The following HIVEP2 variants were observed in gnomAD, a reference collection of about 807,000 sequenced individuals.
The protein encoded by HIVEP2 is transcription factor HIVEP2.
Under a neutral mutation model 180.7 loss-of-function variants are expected in HIVEP2, and 14 were observed. The observed-to-expected ratio is 0.08, with a 90% CI of 0.05 to 0.12. The LOEUF is 0.12. Ranked by LOEUF, HIVEP2 falls within the 10% of genes least tolerant of loss-of-function variation. HIVEP2 has a pLI of 1.00. For missense variants in HIVEP2, 2,579 were observed against 3,008.5 expected (o/e 0.86, Z 3.34); for synonymous variants, 1,184 against 1,136.4 (o/e 1.04, Z -0.84).
chr6:142,921,956 T>C (rs1040829001), intron 1 of HIVEP2, among the ~76,000 whole-genome samples: 1 of 152,250 alleles, frequency 6.6e-6, no homozygotes, highest in African/African-American at 2.4e-5. Flanking sequence ...TATCTTACTT[T>C]AACTCTCCAT....
intron 9 of HIVEP2, among the ~76,000 whole-genome samples, chr6:142,755,031 G>T (rs1775028855): frequency 6.6e-6 from 1 of 152,058 alleles, no homozygotes; most frequent in African/African-American, 2.4e-5. Flanking sequence ...AACCCATACA[G>T]TATGGTAGTA....
chr6:142,854,773 C>T (rs1001381030), intron 1 of HIVEP2, among the ~76,000 whole-genome samples: 2 of 152,090 alleles, frequency 1.3e-5, no homozygotes, highest in African/African-American at 4.8e-5. Context: ...TGTATTCCTC[C>T]CCAAGCATCA....
At chr6:142,930,907 C>G (rs1777928828) in intron 1 of HIVEP2, among the ~76,000 whole-genome samples, 1 of 152,144 alleles carries the variant, frequency 6.6e-6, no homozygotes, top group African/African-American at 2.4e-5. Context: ...TCTCCAGAAC[C>G]AAAAGTGTGA....
chr6:142,880,935 C>G (rs74335562), intron 1 of HIVEP2, among the ~76,000 whole-genome samples: 1 of 152,124 alleles, frequency 6.6e-6, no homozygotes, highest in African/African-American at 2.4e-5. Flanking sequence ...GGGGTTCAGA[C>G]GTAAGGCATC....
At chr6:142,859,554 C>G (rs532126484) in intron 1 of HIVEP2, among the ~76,000 whole-genome samples, 4 of 151,686 alleles carry the variant, frequency 2.6e-5, no homozygotes, top group South Asian at 4.2e-4. Flanking sequence ...ATAAATGAGG[C>G]AGGACGCGGT....
In HIVEP2 at chr6:142,774,132, C is replaced by T; in HGVS notation, c.607G>A (p.Val203Ile). ...TGGGACCTGATGTGTTTTTTCAGTA[C>T]ACTAGGTTTGGCACACGCTCTGCTG... Reference protein sequence around the residue: ...YCSRACAKPSVLKKHIRSHTG... With the variant: ...YCSRACAKPSILKKHIRSHTG... Residue 203 changes from valine (V) to isoleucine (I), a missense_variant, in exon 5 of 10, where the codon GTA becomes ATA. Transcript: ENST00000367603. The surrounding 1 kb of genome is among the most constrained non-coding windows in gnomAD (Gnocchi z 5.1). 3 of 1,614,148 alleles carry T rather than the reference C, an allele frequency of 1.9e-6. No individual in the cohort carries two copies. The highest frequency in any genetic ancestry group is 1.3e-5 in the African/African-American group (1 of 75,054).
chr6:142,827,805 C>G (rs1159472373), intron 2 of HIVEP2, among the ~76,000 whole-genome samples: 1 of 152,208 alleles, frequency 6.6e-6, no homozygotes, highest in East Asian at 1.9e-4. Context: ...TGTGCAAAGA[C>G]TTCACAGGAC....
At position 142,771,043 on chromosome 6, in the gene HIVEP2, A is replaced by T; in HGVS notation, c.3696T>A (p.His1232Gln). The T allele has an allele frequency of 6.2e-7, 1 of 1,614,148 alleles. No individual in the cohort carries two copies. Among genetic ancestry groups the T allele is most frequent in the Non-Finnish European group, 8.5e-7 (1 of 1,180,030 alleles). ...TCTTCTGAGGGTGCTGAGCAAAGGG[A>T]TGTGGGAAATGTGCCTGCCACCAGG... ...QPPWWQAHFP[H>Q]PFAQHPQKSY... Residue 1232 changes from histidine to glutamine, a missense_variant, in exon 5 of 10, where the codon CAT becomes CAA. By Grantham distance (24) the His-to-Gln change is conservative (BLOSUM62 0). This residue lies in a region of HIVEP2 where 523 missense variants were observed against 577.0 expected (regional missense o/e 0.91). Coordinates refer to ENST00000367603, the MANE Select transcript of HIVEP2 (RefSeq NM_006734.4). The surrounding 1 kb of genome is among the most constrained non-coding windows in gnomAD (Gnocchi z 5.4).
chr6:142,810,766 AAAAAAAAAAAAAAC>A (rs1776675222), intron 2 of HIVEP2, among the ~76,000 whole-genome samples: 1 of 151,032 alleles, frequency 6.6e-6, no homozygotes, highest in Non-Finnish European at 1.5e-5. Flanking sequence ...TGTCTCAAAA[AAAAAAAAAAAAAAC>A]AAAAAAAGAA....
chr6:142,900,436 G>A (rs1643299199), intron 1 of HIVEP2, among the ~76,000 whole-genome samples: 1 of 152,172 alleles, frequency 6.6e-6, no homozygotes, highest in African/African-American at 2.4e-5. Context: ...GTACAAGGCA[G>A]GACATCAGAT....
At chr6:142,766,004 A>G (rs1289863815) in intron 6 of HIVEP2, among the ~76,000 whole-genome samples, 2 of 152,182 alleles carry the variant, frequency 1.3e-5, no homozygotes, top group African/African-American at 2.4e-5. Flanking sequence ...TGACATGCAA[A>G]ATGCCCTAAT....
intron 2 of HIVEP2, among the ~76,000 whole-genome samples, chr6:142,786,083 T>C (rs1775991543): frequency 6.6e-6 from 1 of 152,202 alleles, no homozygotes; most frequent in Non-Finnish European, 1.5e-5. Context: ...ATCTCAGAAA[T>C]TTATTTTTTG....
rs946038752 is a variant in HIVEP2 at position 142,762,981 on chromosome 6, C to A, written c.5519-1416G>T. Among the ~76,000 whole-genome samples, 3 of 152,240 alleles carry A rather than the reference C, an allele frequency of 2.0e-5. No individual in the cohort carries two copies. In the East Asian group the frequency reaches 5.8e-4, roughly 29 times the overall value. On this transcript the variant is annotated intron_variant, in intron 7 of 9. Coordinates refer to ENST00000367603, the MANE Select transcript of HIVEP2 (RefSeq NM_006734.4). ...CTAGAAAATTAATGAAATGTATCTA[C>A]AAATTAATAAAAATCATCACTTGTG...
intron 1 of HIVEP2, among the ~76,000 whole-genome samples, chr6:142,854,651 C>G (rs932988300): frequency 1.3e-5 from 2 of 152,138 alleles, no homozygotes; most frequent in East Asian, 3.9e-4. Context: ...CTTGGTATCA[C>G]CTGAATGTAA....
intron 1 of HIVEP2, among the ~76,000 whole-genome samples, chr6:142,902,885 G>A (rs1242895636): frequency 1.3e-5 from 2 of 152,150 alleles, no homozygotes; most frequent in African/African-American, 2.4e-5. Context: ...CCCACAAGAC[G>A]GGTGGAGAAC....
intron 2 of HIVEP2, among the ~76,000 whole-genome samples, chr6:142,784,975 C>T (rs2114700099): frequency 6.6e-6 from 1 of 152,168 alleles, no homozygotes; most frequent in East Asian, 1.9e-4. Flanking sequence ...GCAAGCTCTG[C>T]CTCCCGGGTT....
At chr6:142,762,803 T>C (rs1160327096) in intron 7 of HIVEP2, among the ~76,000 whole-genome samples, 1 of 152,208 alleles carries the variant, frequency 6.6e-6, no homozygotes, top group African/African-American at 2.4e-5. Flanking sequence ...ATTATTTACT[T>C]ATTGCTTATA....
chr6:142,781,063 C>A (rs530056302), intron 3 of HIVEP2, among the ~76,000 whole-genome samples: 1 of 152,114 alleles, frequency 6.6e-6, no homozygotes, highest in Non-Finnish European at 1.5e-5. Context: ...ATTAAATGTA[C>A]CATTGTATCT....
intron 1 of HIVEP2, among the ~76,000 whole-genome samples, chr6:142,911,787 T>TGATGC (rs1306590342): frequency 6.6e-6 from 1 of 152,222 alleles, no homozygotes; most frequent in East Asian, 1.9e-4. Flanking sequence ...TGTGTGTCTG[T>TGATGC]GATGCGTATG....
Sources: allele counts gnomAD v4.1 joint callset (sites outside exome capture counted in the v4.1 genomes callset), GRCh38; gene constraint gnomAD v4.1.1; regional missense constraint gnomAD v4.1.1; non-coding constraint Gnocchi (gnomAD v3.1); transcripts MANE v1.5; gene names NCBI Gene and HGNC (gene_info 2026-07-23, HGNC 2026-07-21).